The following EP400 variants were observed in gnomAD, a reference collection of about 807,000 sequenced individuals.
EP400 encodes the protein E1A binding protein p400, also known as E1A-binding protein p400.
EP400 carries 105 observed loss-of-function variants against 354.1 expected under a neutral mutation model. The ratio of observed to expected loss-of-function variants is 0.30; its 90% CI spans 0.25 to 0.35. EP400 has a LOEUF of 0.35. EP400 is among the 10% of genes least tolerant of loss of function. The pLI is 1.00. For missense variants in EP400, 3,280 were observed against 4,121.0 expected (o/e 0.80, Z 5.59); for synonymous variants, 1,646 against 1,716.9 (o/e 0.96, Z 1.02).
chr12:132,050,562 T>C lies in EP400; in HGVS notation c.7338-37T>C. 1 of 1,613,820 alleles carries C rather than the reference T, an allele frequency of 6.2e-7. No individual in the cohort carries two copies. Among genetic ancestry groups the C allele is most frequent in the Non-Finnish European group, 8.5e-7 (1 of 1,179,708 alleles). On this transcript the variant is annotated intron_variant, in intron 40 of 52. Transcript: ENST00000389561. The surrounding 1 kb of genome is among the most constrained non-coding windows in gnomAD (Gnocchi z 4.8). ...ACATACCCTTCTTCAGATATTTCCT[T>C]TATTTAATAATTGCTGTCTCACTGT...
At position 132,005,071 on chromosome 12, in the gene EP400, C is replaced by G. The variant is rs1893535860; in HGVS notation, c.2828-6C>G. The G allele has an allele frequency of 1.3e-6, 2 of 1,571,376 alleles. No homozygotes were observed. Among genetic ancestry groups the G allele is most frequent in the Non-Finnish European group, 1.7e-6 (2 of 1,157,586 alleles). The stretch of plus-strand genomic sequence containing the variant: ...TAACAGCCCTTCTGCCCGCAACCCT[C>G]TGCAGCTGAGCTGCCCCTCCTGGAC... On this transcript the variant is annotated splice_polypyrimidine_tract_variant and splice_region_variant and intron_variant, in intron 12 of 52. Coordinates refer to ENST00000389561, the MANE Select transcript of EP400 (RefSeq NM_015409.5).
intron 3 of EP400, among the ~76,000 whole-genome samples, chr12:131,980,823 A>G (rs917107613): frequency 6.6e-6 from 1 of 152,174 alleles, no homozygotes; most frequent in Non-Finnish European, 1.5e-5. Context: ...AAGTGCTGGG[A>G]TTATAAGCGT....
intron 51 of EP400, 32 bp from the exon 52 acceptor site, chr12:132,076,484 T>C: frequency 1.2e-6 from 2 of 1,607,924 alleles, no homozygotes; most frequent in Non-Finnish European, 1.7e-6. Context: ...CTCCTTTGAA[T>C]TGTATGTTTG....
intron 1 of EP400, among the ~76,000 whole-genome samples, chr12:131,954,375 C>T (rs1035199171): frequency 2.0e-5 from 3 of 151,472 alleles, no homozygotes; most frequent in Non-Finnish European, 2.9e-5. Context: ...TTGTTTGAGC[C>T]CCAGTAGTTC....
At chr12:132,060,934 AAAC>A (rs1895673441) in intron 45 of EP400, among the ~76,000 whole-genome samples, 1 of 151,928 alleles carries the variant, frequency 6.6e-6, no homozygotes, top group African/African-American at 2.4e-5. Context: ...AAAAAACAAA[AAAC>A]AAAACAAAAC....
intron 1 of EP400, among the ~76,000 whole-genome samples, chr12:131,951,429 C>T (rs1213100194): frequency 6.6e-6 from 1 of 152,194 alleles, no homozygotes; most frequent in African/African-American, 2.4e-5. Context: ...ACAATCCTAC[C>T]GCCTTGGCCT....
rs1392786966 is a variant in EP400, at chr12:132,054,007, C to T, written c.7728+410C>T. On this transcript the variant is annotated intron_variant, in intron 43 of 52. Coordinates refer to ENST00000389561, the MANE Select transcript of EP400 (RefSeq NM_015409.5). The surrounding 1 kb of genome is among the most constrained non-coding windows in gnomAD (Gnocchi z 4.0). Reference sequence around the variant, plus strand: ...CAAAGCATGCCCATGTGTGCTCCCCCACACAGGTCAGTCTTTAATGCCTGT... The same window carrying T: ...CAAAGCATGCCCATGTGTGCTCCCCTACACAGGTCAGTCTTTAATGCCTGT... Among the ~76,000 whole-genome samples the T allele has an allele frequency of 6.6e-6, 1 of 152,220 alleles. No individual in the cohort carries two copies. Among genetic ancestry groups the T allele is most frequent in the Non-Finnish European group, 1.5e-5 (1 of 68,038 alleles).
rs944477617 is a variant in EP400, at chr12:132,075,082, G to A, written c.9022-1434G>A. Among the ~76,000 whole-genome samples, 4 of 151,996 alleles carry A rather than the reference G, an allele frequency of 2.6e-5. No individual in the cohort carries two copies. The highest frequency in any genetic ancestry group is 2.1e-4 in the South Asian group (1 of 4,812). On this transcript the variant is annotated intron_variant, in intron 51 of 52. Coordinates refer to ENST00000389561, the MANE Select transcript of EP400 (RefSeq NM_015409.5). This position sits in a 1 kb window ranked among gnomAD's most constrained non-coding sequence, Gnocchi z 4.5. ...CTGTGTCTCCTCCTCTCTCCTCCCC[G>A]GCACTGAGGCTTAGGGCAGGTGCTT...
intron 2 of EP400, among the ~76,000 whole-genome samples, chr12:131,975,652 A>G (rs1347022430): frequency 2.0e-5 from 3 of 151,854 alleles, no homozygotes; most frequent in Admixed American, 2.0e-4. Flanking sequence ...CTCAGCCTCC[A>G]GGGCTGAAGT....
chr12:132,006,120 G>T lies in EP400; in HGVS notation c.2944G>T (p.Asp982Tyr). ...EDTSGEEDAD[D>Y]CPGDRESRKD... Reference sequence around the variant, plus strand: ...TTTTATTGTCGTTACAGATGCAGATGACTGTCCAGGCGACAGGGAGAGTCG... The same window carrying T: ...TTTTATTGTCGTTACAGATGCAGATTACTGTCCAGGCGACAGGGAGAGTCG... The change falls in exon 14 of 53, where the codon GAC (aspartate) becomes TAC (tyrosine). Residue 982 changes from aspartate (D) to tyrosine (Y), a missense_variant. By Grantham distance (160) the Asp-to-Tyr change is radical (BLOSUM62 -3). Transcript: ENST00000389561. The T allele has an allele frequency of 6.2e-7, 1 of 1,613,566 alleles. No individual in the cohort carries two copies. Among genetic ancestry groups the T allele is most frequent in the South Asian group, 1.1e-5 (1 of 91,032 alleles).
At chr12:132,063,918 C>T (rs1895794532) in intron 47 of EP400, among the ~76,000 whole-genome samples, 2 of 152,132 alleles carry the variant, frequency 1.3e-5, no homozygotes, top group African/African-American at 4.8e-5. Context: ...CTCAAGAGTC[C>T]CAGGCCCAGC....
chr12:132,038,774 G>C lies in EP400; in HGVS notation c.6207+678G>C, dbSNP rs1417509466. Among the ~76,000 whole-genome samples, 1 of 152,092 alleles carries C rather than the reference G, an allele frequency of 6.6e-6. No homozygotes were observed. The highest frequency in any genetic ancestry group is 1.5e-5 in the Non-Finnish European group (1 of 68,024). Reference sequence around the variant, plus strand: ...CCCTCCCTGTCCCCGTGGCTTGCCCGCCAAAGCCCTGCAGCCCCACGTCCT... The same window carrying C: ...CCCTCCCTGTCCCCGTGGCTTGCCCCCCAAAGCCCTGCAGCCCCACGTCCT... On this transcript the variant is annotated intron_variant, in intron 32 of 52. Transcript: ENST00000389561. This position sits in a 1 kb window ranked among gnomAD's most constrained non-coding sequence, Gnocchi z 4.2.
At position 132,013,025 on chromosome 12, in the gene EP400, A is replaced by G. The variant is rs1441586293; in HGVS notation, c.3458A>G (p.Asn1153Ser). ...GTGCTGCAGGAGTGGGCCGAACCCA[A>G]CAGCTTCCACGTCTGCATCACGTCC... ...KAKRQEWAEPNSFHVCITSYT... is the reference protein window; with the variant it reads ...KAKRQEWAEPSSFHVCITSYT... Residue 1153 changes from asparagine to serine, a missense_variant, in exon 17 of 53, where the codon AAC (asparagine) becomes AGC (serine). Asn to Ser is a conservative substitution (Grantham distance 46, BLOSUM62 1). Around this residue, in one of 20 missense-constraint regions of EP400, gnomAD observed 242 missense variants for 357.9 expected, o/e 0.68. Transcript: ENST00000389561. This position sits in a 1 kb window ranked among gnomAD's most constrained non-coding sequence, Gnocchi z 4.5. 8 of 1,612,234 alleles carry G rather than the reference A, an allele frequency of 5.0e-6. No homozygotes were observed. The highest frequency in any genetic ancestry group is 1.8e-4 in the Middle Eastern group (1 of 5,468).
chr12:131,958,387 G>C (rs900936051), intron 1 of EP400, among the ~76,000 whole-genome samples: 2 of 152,140 alleles, frequency 1.3e-5, no homozygotes, highest in Admixed American at 6.6e-5. Context: ...TCCATCTTCA[G>C]AAACTAACCA....
At chr12:132,045,993 C>G in intron 39 of EP400, 93 bp downstream of exon 39, 1 of 1,466,512 alleles carries the variant, frequency 6.8e-7, no homozygotes, top group Non-Finnish European at 9.3e-7. Context: ...TCTTCACTGA[C>G]TGGGCTCCTT....
In EP400 at chr12:131,990,155, G is replaced by A. The variant is rs780386898; in HGVS notation, c.2550+51G>A. The A allele has an allele frequency of 5.8e-6, 9 of 1,558,252 alleles. No homozygotes were observed. In the African/African-American group the frequency reaches 1.2e-4, roughly 22 times the overall value. On this transcript the variant is annotated intron_variant, in intron 8 of 52. Transcript: ENST00000389561. This position sits in a 1 kb window ranked among gnomAD's most constrained non-coding sequence, Gnocchi z 4.2. Reference sequence around the variant, plus strand: ...CGTAAGAATCAGTCTGTCGGAGCTGGTGAGGCCACTTCCCGAGACCAGAGC... The same window carrying A: ...CGTAAGAATCAGTCTGTCGGAGCTGATGAGGCCACTTCCCGAGACCAGAGC...
chr12:132,042,017 T>A (rs919277482), intron 32 of EP400, among the ~76,000 whole-genome samples: 2 of 151,136 alleles, frequency 1.3e-5, no homozygotes, highest in South Asian at 4.2e-4. Context: ...AGTGGTGTGA[T>A]CTCAGCTCAC....
chr12:132,060,926 AAAAC>A (rs1206244206), intron 45 of EP400, among the ~76,000 whole-genome samples: 4 of 151,936 alleles, frequency 2.6e-5, no homozygotes, highest in Non-Finnish European at 5.9e-5. Flanking sequence ...AAAAAAAAAA[AAAAC>A]AAAAAACAAA....
chr12:131,965,996 T>C (rs1892062530), intron 2 of EP400, among the ~76,000 whole-genome samples: 1 of 151,404 alleles, frequency 6.6e-6, no homozygotes, highest in African/African-American at 2.4e-5. Flanking sequence ...TCAAAGAGTC[T>C]CTCTGAAAGT....
Sources: gnomAD v4.1 joint callset for allele counts (sites outside exome capture counted in the v4.1 genomes callset) on GRCh38, gnomAD v4.1.1 for gene constraint, gnomAD v4.1.1 regional missense constraint, Gnocchi (gnomAD v3.1) non-coding constraint, MANE v1.5 for transcripts, NCBI Gene and HGNC (gene_info 2026-07-23, HGNC 2026-07-21) for gene names.